Variants in BACH2 observed in about 807,000 individuals in gnomAD.
BACH2 encodes the protein transcription regulator protein BACH2.
A neutral mutation model predicts 61.8 loss-of-function variants in BACH2; 5 were observed. The ratio of observed to expected loss-of-function variants is 0.08; its 90% CI spans 0.04 to 0.17. The LOEUF (loss-of-function observed/expected upper bound fraction) is 0.17, where lower values mean the gene tolerates loss of function less well. Ranked by LOEUF, BACH2 falls within the 10% of genes least tolerant of loss-of-function variation. The pLI, the probability that BACH2 is intolerant of heterozygous loss-of-function variation, is 1.00. For synonymous variants in BACH2, 446 were observed against 440.1 expected, an observed-to-expected ratio of 1.01 and a Z score of -0.17; for missense variants, 824 against 1,091.1, an observed-to-expected ratio of 0.76 and a Z score of 3.45.
At chr6:90,101,094 T>C (rs1782606147) in intron 4 of BACH2, among the ~76,000 whole-genome samples, 1 of 152,248 alleles carries the variant, frequency 6.6e-6, no homozygotes, top group African/African-American at 2.4e-5. Flanking sequence ...GTCTGGGTTG[T>C]CTTTTGAGCA....
chr6:90,247,977 C>T (rs114939339), intron 3 of BACH2, among the ~76,000 whole-genome samples: 1,618 of 152,322 alleles, frequency 0.011, 27 homozygotes, highest in African/African-American at 0.037. Context: ...TCATCACATT[C>T]AAGTGTCTTC....
intron 4 of BACH2, among the ~76,000 whole-genome samples, chr6:90,154,199 T>C (rs926232093): frequency 2.6e-5 from 4 of 152,058 alleles, no homozygotes; most frequent in Non-Finnish European, 1.5e-5. Flanking sequence ...GCAGGTTCCA[T>C]TGGCAAAAAA....
intron 2 of BACH2, 109 bp from the exon 3 acceptor site, chr6:90,252,699 C>T (rs1365143244): frequency 6.6e-6 from 1 of 152,132 alleles, no homozygotes; most frequent in African/African-American, 2.4e-5. Flanking sequence ...GGTACAAAAA[C>T]ACAACACCAG....
chr6:90,256,311 A>G (rs1770977222), intron 2 of BACH2, among the ~76,000 whole-genome samples: 1 of 152,208 alleles, frequency 6.6e-6, no homozygotes, highest in Non-Finnish European at 1.5e-5. Flanking sequence ...AATATAAGTG[A>G]AAGTGATTAT....
intron 4 of BACH2, among the ~76,000 whole-genome samples, chr6:90,200,181 T>C (rs1285695054): frequency 6.6e-6 from 1 of 152,016 alleles, no homozygotes; most frequent in Non-Finnish European, 1.5e-5. Context: ...AACAGGTAAA[T>C]TGTATCTTAG....
At chr6:90,111,535 AC>A in intron 4 of BACH2, among the ~76,000 whole-genome samples, 3 of 152,084 alleles carry the variant, frequency 2.0e-5, no homozygotes, top group South Asian at 2.1e-4. Flanking sequence ...CAGTCACTTG[AC>A]CTGTGGATCT....
At chr6:90,032,078 C>G (rs1214039613) in intron 5 of BACH2, among the ~76,000 whole-genome samples, 3 of 150,750 alleles carry the variant, frequency 2.0e-5, no homozygotes, top group Non-Finnish European at 4.4e-5. Flanking sequence ...TGATCTTTGA[C>G]AAACCTGACA....
intron 7 of BACH2, among the ~76,000 whole-genome samples, chr6:89,949,305 A>AG (rs1249915278): frequency 6.6e-6 from 1 of 152,094 alleles, no homozygotes; most frequent in African/African-American, 2.4e-5. Context: ...CCCGCTCCTG[A>AG]GGGGGGTCTG....
At chr6:90,111,085 A>T (rs1444990094) in intron 4 of BACH2, among the ~76,000 whole-genome samples, 2 of 152,210 alleles carry the variant, frequency 1.3e-5, no homozygotes, top group African/African-American at 4.8e-5. Context: ...CCCCACCATT[A>T]CATTTCACTA....
chr6:90,265,588 C>A (rs780903640), intron 2 of BACH2, among the ~76,000 whole-genome samples: 2 of 152,202 alleles, frequency 1.3e-5, no homozygotes, highest in African/African-American at 4.8e-5. Flanking sequence ...CGCTGCAGAA[C>A]AACTCAATAT....
chr6:90,117,121 G>A (rs1016405550), intron 4 of BACH2: 2 of 241,662 alleles, frequency 8.3e-6, no homozygotes, highest in East Asian at 9.3e-5. Context: ...AGGTGCATGC[G>A]CCCAGCACTC....
intron 3 of BACH2, among the ~76,000 whole-genome samples, chr6:90,233,708 T>C (rs568086827): frequency 1.6e-4 from 24 of 152,320 alleles, no homozygotes; most frequent in African/African-American, 5.5e-4. Flanking sequence ...ATTATGTTAT[T>C]ATAATTCTTT....
chr6:90,295,402 T>C (rs886065717), intron 1 of BACH2, among the ~76,000 whole-genome samples: 1 of 152,178 alleles, frequency 6.6e-6, no homozygotes, highest in Non-Finnish European at 1.5e-5. Context: ...ACGGTCCGAG[T>C]TCCTGCAAAT....
In BACH2 at chr6:90,017,564, CTCT is replaced by C. The variant is rs370812866; in HGVS notation, c.-12-8711_-12-8709del. 3.6e-3 allele frequency among the ~76,000 whole-genome samples: 542 copies of C among 152,248 alleles called. 1 individual carries two copies. Among genetic ancestry groups the C allele is most frequent in the African/African-American group, 0.012 (517 of 41,554 alleles). On this transcript the variant is annotated intron_variant, in intron 5 of 8. Coordinates refer to ENST00000257749, the MANE Select transcript of BACH2 (RefSeq NM_021813.4). Reference sequence around the variant, plus strand: ...TTGCTAACCCTTCGAGTTCACTAATCTCTTCTTCTGCAAGGTCTAATCTGCCAT... The same window carrying C: ...TTGCTAACCCTTCGAGTTCACTAATCTCTTCTGCAAGGTCTAATCTGCCAT...
chr6:89,996,300 C>T (rs12664241), intron 6 of BACH2, among the ~76,000 whole-genome samples: 1 of 152,160 alleles, frequency 6.6e-6, no homozygotes, highest in Non-Finnish European at 1.5e-5. Flanking sequence ...TAGGCTCAGG[C>T]TGTGTCTCCT....
chr6:90,296,224 T>G (rs1582578786), intron 1 of BACH2, among the ~76,000 whole-genome samples: 1 of 151,952 alleles, frequency 6.6e-6, no homozygotes, highest in Non-Finnish European at 1.5e-5. Flanking sequence ...TCGGCCGCCG[T>G]AAACAGCCGG....
Position 90,150,182 on chromosome 6 carries a change from C to G in BACH2, c.-162+56387G>C, listed in dbSNP as rs548655674. On this transcript the variant is annotated intron_variant, in intron 4 of 8. Coordinates refer to ENST00000257749, the MANE Select transcript of BACH2 (RefSeq NM_021813.4). ...GCAACCAAGCCCACCCCTGCAGCGT[C>G]TCTCATGCCCGTGCCAGTGTTTATA... Among the ~76,000 whole-genome samples the G allele has an allele frequency of 6.6e-5, 10 of 152,274 alleles. No homozygotes were observed. The South Asian group carries it at 1.2e-3, about 19-fold the overall frequency.
chr6:89,934,257 C>G (rs1351382401), intron 8 of BACH2, among the ~76,000 whole-genome samples: 3 of 152,196 alleles, frequency 2.0e-5, no homozygotes, highest in African/African-American at 7.2e-5. Context: ...ATGTTCTTCT[C>G]CTTAAACAAA....
At chr6:90,078,364 C>G (rs1331712624) in intron 5 of BACH2, among the ~76,000 whole-genome samples, 2 of 152,112 alleles carry the variant, frequency 1.3e-5, no homozygotes, top group Non-Finnish European at 2.9e-5. Context: ...ATGCTCAACA[C>G]AGCACTAATC....
Sources: allele counts gnomAD v4.1 joint callset (sites outside exome capture counted in the v4.1 genomes callset), GRCh38; gene constraint gnomAD v4.1.1; transcripts MANE v1.5; gene names NCBI Gene and HGNC (gene_info 2026-07-23, HGNC 2026-07-21).